Variants in PHF20 observed in about 807,000 individuals in gnomAD.
The protein encoded by PHF20 is PHD finger protein 20.
PHF20 carries 23 observed loss-of-function variants against 113.5 expected under a neutral mutation model. The ratio of observed to expected loss-of-function variants is 0.20; its 90% confidence interval spans 0.15 to 0.29. The LOEUF (loss-of-function observed/expected upper bound fraction) is 0.29. Among genes scored for constraint, PHF20 ranks in the 10% least tolerant of loss-of-function variants. The pLI, the probability that PHF20 is intolerant of heterozygous loss-of-function variation, is 1.00. For missense variants in PHF20, 943 were observed against 1,219.6 expected (o/e 0.77, Z 3.38); for synonymous variants, 434 against 457.3 (o/e 0.95, Z 0.65).
At chr20:35,875,492 A>T (rs964229982) in intron 9 of PHF20, among the ~76,000 whole-genome samples, 1 of 152,002 alleles carries the variant, frequency 6.6e-6, no homozygotes, top group East Asian at 1.9e-4. Context: ...AGCTTCGTCC[A>T]TAGTGTTGTG....
At position 35,938,754 on chromosome 20, in the gene PHF20, G is replaced by A. The variant is rs1234081317; in HGVS notation, c.2358G>A (p.Gly786=). The A allele has an allele frequency of 3.1e-6, 5 of 1,614,088 alleles. No homozygotes were observed. In the South Asian group the frequency reaches 4.4e-5, roughly 14 times the overall value. ...GCCAGCCTTGGAAACAGCACTCAGG[G>A]GAGGGGAGATCTCATTTCAGAAACA... The part of the protein sequence containing the change: ...LWCQPWKQHS[G]EGRSHFRNIP... The change falls in exon 16 of 18, where the codon GGG becomes GGA. Residue 786 remains glycine (G), a synonymous_variant. Coordinates refer to ENST00000374012, the MANE Select transcript of PHF20 (RefSeq NM_016436.5).
chr20:35,783,029 A>G (rs777696099), intron 1 of PHF20, among the ~76,000 whole-genome samples: 57 of 151,974 alleles, frequency 3.8e-4, no homozygotes, highest in Non-Finnish European at 6.2e-4. Context: ...CCTCATCTCT[A>G]TAACACAGAA....
Position 35,941,045 on chromosome 20 carries a change from A to G in PHF20, c.2894A>G (p.Asp965Gly), listed in dbSNP as rs772355353. ...ATGGACTCCATTGAGAAGGAGTTGGATGGTAGGGCTCCTTCATTGGCCCCC... is the reference window on the plus strand; with the variant it reads ...ATGGACTCCATTGAGAAGGAGTTGGGTGGTAGGGCTCCTTCATTGGCCCCC... ...HRMDSIEKEL[D>G]VLESWLDYTG... Residue 965 changes from aspartate (D) to glycine (G), a missense_variant and splice_region_variant, in exon 17 of 18, where the codon GAT becomes GGT. This residue lies in a region of PHF20 where 349 missense variants were observed against 412.3 expected (regional missense o/e 0.85). Coordinates refer to ENST00000374012, the MANE Select transcript of PHF20 (RefSeq NM_016436.5). 3 of 1,611,672 alleles carry G rather than the reference A, an allele frequency of 1.9e-6. No homozygotes were observed. The highest frequency in any genetic ancestry group is 1.7e-6 in the Non-Finnish European group (2 of 1,178,394).
At chr20:35,836,667 A>G (rs2146928686) in intron 2 of PHF20, among the ~76,000 whole-genome samples, 1 of 151,828 alleles carries the variant, frequency 6.6e-6, no homozygotes, top group East Asian at 1.9e-4. Flanking sequence ...ACACGGTGAA[A>G]CCCCATTTCT....
At chr20:35,787,892 C>T (rs1457482842) in intron 1 of PHF20, among the ~76,000 whole-genome samples, 1 of 150,442 alleles carries the variant, frequency 6.6e-6, no homozygotes, top group African/African-American at 2.5e-5. Flanking sequence ...ATTCTCCTGC[C>T]TCAGCCTCCC....
At position 35,795,884 on chromosome 20, in the gene PHF20, T is replaced by C. The variant is rs558025798; in HGVS notation, c.-32-5607T>C. On this transcript the variant is annotated intron_variant, in intron 1 of 17. Coordinates refer to ENST00000374012, the MANE Select transcript of PHF20 (RefSeq NM_016436.5). ...AATTTTTTTTTTGAGACAGTCTCAC[T>C]CTGTCGCCCAGGCTGGAGTGCAGTC... is the stretch of plus-strand genomic sequence containing the variant. Among the ~76,000 whole-genome samples the C allele has an allele frequency of 5.3e-5, 8 of 152,284 alleles. No homozygotes were observed. In the South Asian group the frequency reaches 1.7e-3, roughly 32 times the overall value.
At chr20:35,803,784 T>A (rs1206518699) in intron 2 of PHF20, among the ~76,000 whole-genome samples, 2 of 151,176 alleles carry the variant, frequency 1.3e-5, no homozygotes, top group Non-Finnish European at 2.9e-5. Flanking sequence ...ATCATACAAC[T>A]TGTTTTTTTT....
chr20:35,811,302 C>T (rs1399181065), intron 2 of PHF20, among the ~76,000 whole-genome samples: 1 of 152,182 alleles, frequency 6.6e-6, no homozygotes, highest in Non-Finnish European at 1.5e-5. Flanking sequence ...ACCTCGGCCT[C>T]CCAAAGTGCT....
At chr20:35,941,402 A>G (rs1344352010) in intron 17 of PHF20, among the ~76,000 whole-genome samples, 4 of 152,240 alleles carry the variant, frequency 2.6e-5, no homozygotes, top group Non-Finnish European at 4.4e-5. Flanking sequence ...CTTGAGTTTT[A>G]GGATATCTGA....
At chr20:35,817,510 T>C (rs1179405953) in intron 2 of PHF20, among the ~76,000 whole-genome samples, 2 of 151,792 alleles carry the variant, frequency 1.3e-5, no homozygotes, top group African/African-American at 2.4e-5. Context: ...AAATTATTTT[T>C]GGGGCCAGGC....
chr20:35,840,263 T>A (rs935955723), intron 2 of PHF20, among the ~76,000 whole-genome samples: 7 of 152,250 alleles, frequency 4.6e-5, no homozygotes, highest in Non-Finnish European at 1.0e-4. Context: ...TTTAACCGTT[T>A]ATTTTTTGGA....
At chr20:35,890,289 C>T (rs1055852974) in intron 9 of PHF20, among the ~76,000 whole-genome samples, 1 of 152,118 alleles carries the variant, frequency 6.6e-6, no homozygotes, top group African/African-American at 2.4e-5. Flanking sequence ...CTTGGCCTCC[C>T]AAAGTGCTGG....
At chr20:35,927,293 T>A (rs2055659219) in intron 13 of PHF20, among the ~76,000 whole-genome samples, 1 of 152,180 alleles carries the variant, frequency 6.6e-6, no homozygotes, top group African/African-American at 2.4e-5. Context: ...TCATTAGTGG[T>A]TAATAGTATT....
chr20:35,788,395 C>T (rs2041468737), intron 1 of PHF20, among the ~76,000 whole-genome samples: 1 of 151,698 alleles, frequency 6.6e-6, no homozygotes. Context: ...TGTGCCTGGC[C>T]TATTTTTTTT....
chr20:35,801,508 C>G lies in PHF20; in HGVS notation c.-15C>G. On this transcript the variant is annotated 5_prime_UTR_variant, in exon 2 of 18. Transcript: ENST00000374012. Reference sequence around the variant, plus strand: ...TTTTTCAGGAGAATAAAGGCAGCCCCGTTGATGACTGAAAATGACAAAGCA... The same window carrying G: ...TTTTTCAGGAGAATAAAGGCAGCCCGGTTGATGACTGAAAATGACAAAGCA... 1 of 1,600,222 alleles carries G rather than the reference C, an allele frequency of 6.2e-7. No homozygotes were observed. Among genetic ancestry groups the G allele is most frequent in the Non-Finnish European group, 8.6e-7 (1 of 1,169,028 alleles).
intron 14 of PHF20, among the ~76,000 whole-genome samples, chr20:35,929,923 A>G (rs1215572368): frequency 6.6e-6 from 1 of 152,262 alleles, no homozygotes; most frequent in Non-Finnish European, 1.5e-5. Context: ...TAAAGCCAGA[A>G]GTAGCTCAAA....
At chr20:35,865,497 G>GT (rs201623482) in intron 6 of PHF20, among the ~76,000 whole-genome samples, 3,282 of 96,424 alleles carry the variant, frequency 0.034, 395 homozygotes, top group African/African-American at 0.078. Context: ...TTTAAGTTGT[G>GT]TTTTTTTTTT....
intron 1 of PHF20, among the ~76,000 whole-genome samples, chr20:35,785,314 C>T (rs1485901441): frequency 2.0e-5 from 3 of 151,808 alleles, no homozygotes; most frequent in African/African-American, 7.3e-5. Flanking sequence ...GGAAAATGGA[C>T]TTTTATTTAT....
intron 1 of PHF20, among the ~76,000 whole-genome samples, chr20:35,789,540 TTTTTC>T: frequency 6.6e-6 from 1 of 151,802 alleles, no homozygotes; most frequent in East Asian, 1.9e-4. Flanking sequence ...TAATAACCCT[TTTTTC>T]TTTTTCTTTT....
Sources: allele counts gnomAD v4.1 joint callset (sites outside exome capture counted in the v4.1 genomes callset), GRCh38; gene constraint gnomAD v4.1.1; regional missense constraint gnomAD v4.1.1; transcripts MANE v1.5; gene names NCBI Gene and HGNC (gene_info 2026-07-23, HGNC 2026-07-21).